MTRR: variants seen among roughly 807,000 people sequenced by gnomAD.
MTRR encodes 5-methyltetrahydrofolate-homocysteine methyltransferase reductase.
MTRR carries 63 observed loss-of-function variants against 79.2 expected under a neutral mutation model. That is an observed-to-expected ratio of 0.80 (90% CI 0.65 to 0.98). The LOEUF is 0.98. Among genes scored for constraint, MTRR ranks in the 50% least tolerant of loss-of-function variants. The pLI is 0.00. For synonymous variants in MTRR, 355 were observed against 313.3 expected (o/e 1.13, Z -1.41); for missense variants, 895 against 839.6 (o/e 1.07, Z -0.82).
intron 14 of MTRR, 132 bp downstream of exon 14, chr5:7,897,379 A>C: frequency 1.1e-6 from 1 of 927,554 alleles, no homozygotes; most frequent in East Asian, 2.5e-5. Flanking sequence ...ACAGGAATAG[A>C]AATAACAGTT....
At chr5:7,867,706 A>C, upstream of MTRR, 1 of 1,614,188 alleles carries the variant, frequency 6.2e-7, no homozygotes, top group South Asian at 1.1e-5. Context: ...CCATAGTGTC[A>C]GGCAGGGTTT....
At chr5:7,863,229 G>A in intron 2 of MTRR, 1 of 481,288 alleles carries the variant, frequency 2.1e-6, no homozygotes, top group Admixed American at 3.9e-5. Flanking sequence ...AGTAGTCACT[G>A]GTTACCATAA....
chr5:7,889,344 G>A (rs1303005312), intron 9 of MTRR, 69 bp downstream of exon 9: 4 of 1,576,416 alleles, frequency 2.5e-6, no homozygotes, highest in Non-Finnish European at 3.5e-6. Context: ...CCTTTCTGTA[G>A]TAAAGAAAAT....
At chr5:7,868,394 T>A (rs761259604), upstream of MTRR, among the ~76,000 whole-genome samples, 1 of 152,150 alleles carries the variant, frequency 6.6e-6, no homozygotes, top group Non-Finnish European at 1.5e-5. Flanking sequence ...GAGGAAGAAG[T>A]TGAAGCACAA....
At chr5:7,866,328 AGAT>A (rs1561104730), upstream of MTRR, among the ~76,000 whole-genome samples, 2 of 150,656 alleles carry the variant, frequency 1.3e-5, no homozygotes, top group Non-Finnish European at 3.0e-5. Flanking sequence ...AAAAAAAAAA[AGAT>A]ACAGTTGCTC....
chr5:7,867,726 T>A (rs1235536592), upstream of MTRR: 2 of 1,614,232 alleles, frequency 1.2e-6, no homozygotes, highest in South Asian at 2.2e-5. Flanking sequence ...TCCATCGTGC[T>A]TATAAAACTT....
At chr5:7,870,706 A>G (rs1313508267) in intron 1 of MTRR, 64 bp from the exon 2 acceptor site, 1 of 1,528,826 alleles carries the variant, frequency 6.5e-7, no homozygotes, top group East Asian at 2.3e-5. Context: ...ATTGAGGGAG[A>G]ATTAATATCT....
chr5:7,867,717 C>T, upstream of MTRR: 1 of 1,614,188 alleles, frequency 6.2e-7, no homozygotes, highest in African/African-American at 1.3e-5. Flanking sequence ...GGCAGGGTTT[C>T]CATCGTGCTT....
chr5:7,870,755 TC>T lies in MTRR; in HGVS notation c.-25-10del, dbSNP rs2126643078. 6.2e-7 allele frequency: 1 copy of T among 1,614,070 alleles called. No individual in the cohort carries two copies. The highest frequency in any genetic ancestry group is 8.5e-7 in the Non-Finnish European group (1 of 1,179,948). Reference sequence around the variant, plus strand: ...GCTTCATTAAAAAGAGGATCTTTTTTCCCCCATTTTTCAGTTTCACTGTTAC... The same window carrying T: ...GCTTCATTAAAAAGAGGATCTTTTTTCCCCATTTTTCAGTTTCACTGTTAC... On this transcript the variant is annotated splice_polypyrimidine_tract_variant and intron_variant, in intron 1 of 14. Coordinates refer to ENST00000440940, the MANE Select transcript of MTRR (RefSeq NM_002454.3).
upstream of MTRR, among the ~76,000 whole-genome samples, chr5:7,866,273 T>A (rs1746938868): frequency 6.6e-6 from 1 of 151,504 alleles, no homozygotes; most frequent in South Asian, 2.1e-4. Flanking sequence ...ATTTGACATA[T>A]TTGGGTGGCC....
chr5:7,866,506 ATCTGTTAACT>A (rs1746959786), upstream of MTRR: 8 of 667,744 alleles, frequency 1.2e-5, no homozygotes, highest in Middle Eastern at 4.2e-4. Flanking sequence ...TTATGCCAGC[ATCTGTTAACT>A]TCAGGTCTCA....
upstream of MTRR, among the ~76,000 whole-genome samples, chr5:7,864,411 G>A (rs1044761558): frequency 6.6e-6 from 1 of 151,772 alleles, no homozygotes; most frequent in Non-Finnish European, 1.5e-5. Flanking sequence ...TAGGAACCTC[G>A]GAAGTCATAA....
chr5:7,872,324 C>A, intron 2 of MTRR: 1 of 393,760 alleles, frequency 2.5e-6, no homozygotes, highest in South Asian at 1.9e-5. Flanking sequence ...AGGAAGTGTT[C>A]TATTTGAAAT....
chr5:7,861,367 T>C, intron 1 of MTRR: 1 of 622,098 alleles, frequency 1.6e-6, no homozygotes, highest in Non-Finnish European at 2.6e-6. Flanking sequence ...GCTATTACTA[T>C]GTGCCAATAT....
chr5:7,869,242 C>T (rs771332169), intron 1 of MTRR, 27 bp downstream of exon 1: 109 of 1,601,434 alleles, frequency 6.8e-5, no homozygotes, highest in Middle Eastern at 1.7e-4. Context: ...CTACGGTTCC[C>T]GGATTCCGGC....
At chr5:7,868,517 T>C (rs930389477), upstream of MTRR, among the ~76,000 whole-genome samples, 3 of 152,118 alleles carry the variant, frequency 2.0e-5, no homozygotes, top group Non-Finnish European at 4.4e-5. Flanking sequence ...AGAAATTGCA[T>C]TTGGATAGAA....
intron 11 of MTRR, chr5:7,893,124 T>C (rs1579795824): frequency 3.3e-6 from 2 of 611,968 alleles, no homozygotes; most frequent in African/African-American, 3.7e-5. Flanking sequence ...GTATAAAGCA[T>C]GAATTTTATA....
At chr5:7,880,405 G>A (rs1022332271) in intron 5 of MTRR, among the ~76,000 whole-genome samples, 5 of 152,224 alleles carry the variant, frequency 3.3e-5, no homozygotes, top group Admixed American at 6.5e-5. Context: ...ATCATTGTCC[G>A]TGTACCTGAG....
chr5:7,861,438 G>T, intron 1 of MTRR: 1 of 629,920 alleles, frequency 1.6e-6, no homozygotes, highest in Non-Finnish European at 2.5e-6. Flanking sequence ...AATATTACAA[G>T]GAATTTCCCA....
Sources: allele counts gnomAD v4.1 joint callset (sites outside exome capture counted in the v4.1 genomes callset), GRCh38; gene constraint gnomAD v4.1.1; transcripts MANE v1.5; gene names NCBI Gene and HGNC (gene_info 2026-07-23, HGNC 2026-07-21).